VASP: variants seen among roughly 807,000 people sequenced by gnomAD.
VASP encodes the protein vasodilator stimulated phosphoprotein, also known as vasodilator-stimulated phosphoprotein.
A neutral mutation model predicts 54.4 loss-of-function variants in VASP; 27 were observed. The observed-to-expected ratio is 0.50, with a 90% confidence interval of 0.37 to 0.68. VASP has a LOEUF of 0.68. Ranked by LOEUF, VASP falls within the 30% of genes least tolerant of loss-of-function variation. The pLI, the probability that VASP is intolerant of heterozygous loss-of-function variation, is 0.00. For missense variants in VASP, 488 were observed against 528.3 expected, an observed-to-expected ratio of 0.92 and a Z score of 0.75; for synonymous variants, 233 against 209.8, an observed-to-expected ratio of 1.11 and a Z score of -0.96.
chr19:45,510,539 C>T (rs1169054231), intron 1 of VASP, among the ~76,000 whole-genome samples: 3 of 152,020 alleles, frequency 2.0e-5, no homozygotes, highest in Admixed American at 6.6e-5. Flanking sequence ...CATGGCAGTT[C>T]GAACAATGAT....
At chr19:45,509,389 C>T (rs896786794) in intron 1 of VASP, among the ~76,000 whole-genome samples, 1 of 134,388 alleles carries the variant, frequency 7.4e-6, no homozygotes, top group Admixed American at 7.4e-5. Context: ...CCCCGCCCCT[C>T]CACCCCCCCT....
At chr19:45,521,710 G>A (rs1255190935) in intron 4 of VASP, among the ~76,000 whole-genome samples, 2 of 152,050 alleles carry the variant, frequency 1.3e-5, no homozygotes, top group East Asian at 1.9e-4. Flanking sequence ...CCAACATGGC[G>A]AAATCCCGTC....
At chr19:45,511,299 G>A (rs1437485422) in intron 1 of VASP, among the ~76,000 whole-genome samples, 1 of 152,146 alleles carries the variant, frequency 6.6e-6, no homozygotes, top group Non-Finnish European at 1.5e-5. Flanking sequence ...GATTACCTCT[G>A]GTGATGGGAA....
Position 45,517,850 on chromosome 19 carries a change from G to C in VASP, c.177+16G>C. The C allele has an allele frequency of 4.3e-6, 7 of 1,611,312 alleles. No homozygotes were observed. Among genetic ancestry groups the C allele is most frequent in the Non-Finnish European group, 5.9e-6 (7 of 1,179,170 alleles). ...CGACCAGCAGGTGCAGCTTCCCGCCGGCCCCCTCTGTGGGCTGAACCCCTA... is the reference window on the plus strand; with the variant it reads ...CGACCAGCAGGTGCAGCTTCCCGCCCGCCCCCTCTGTGGGCTGAACCCCTA... On this transcript the variant is annotated intron_variant, in intron 2 of 12. Transcript: ENST00000245932.
chr19:45,525,300 A>G (rs1968936572), intron 11 of VASP, among the ~76,000 whole-genome samples: 1 of 152,166 alleles, frequency 6.6e-6, no homozygotes, highest in South Asian at 2.1e-4. Context: ...GCGGTGGCTC[A>G]TGCCTGTAAT....
intron 1 of VASP, among the ~76,000 whole-genome samples, chr19:45,511,357 T>C (rs910603864): frequency 3.9e-5 from 6 of 152,160 alleles, no homozygotes; most frequent in African/African-American, 1.4e-4. Flanking sequence ...TTCCTGCGTT[T>C]AGGGCTTTTT....
At chr19:45,511,347 T>C (rs533021652) in intron 1 of VASP, among the ~76,000 whole-genome samples, 6 of 152,326 alleles carry the variant, frequency 3.9e-5, no homozygotes, top group African/African-American at 1.4e-4. Context: ...CAAGTTACAG[T>C]TCCTGCGTTT....
intron 3 of VASP, among the ~76,000 whole-genome samples, chr19:45,519,309 C>T (rs963385091): frequency 1.3e-5 from 2 of 152,022 alleles, no homozygotes; most frequent in Non-Finnish European, 2.9e-5. Context: ...ACACCATGCC[C>T]GGCCCTTGTA....
chr19:45,524,899 C>T (rs771973822), intron 11 of VASP: 52 of 417,138 alleles, frequency 1.2e-4, no homozygotes, highest in Non-Finnish European at 2.0e-4. Flanking sequence ...GAATTCTTTC[C>T]GCACATTGAC....
intron 11 of VASP, 139 bp downstream of exon 11, chr19:45,524,799 C>A (rs1968923789): frequency 2.5e-6 from 2 of 799,456 alleles, no homozygotes; most frequent in African/African-American, 1.7e-5. Flanking sequence ...TGGATTGGGT[C>A]AAGGATGACC....
chr19:45,520,286 C>T (rs1263237354), intron 3 of VASP, among the ~76,000 whole-genome samples: 2 of 152,150 alleles, frequency 1.3e-5, no homozygotes, highest in Admixed American at 6.6e-5. Context: ...GTGGGCTGGG[C>T]GGACTGAGAC....
At chr19:45,516,739 C>T (rs1259379093) in intron 1 of VASP, among the ~76,000 whole-genome samples, 2 of 151,590 alleles carry the variant, frequency 1.3e-5, no homozygotes, top group Admixed American at 1.3e-4. Context: ...TGGCTCACCC[C>T]TGTAATCCCA....
chr19:45,514,855 G>A lies in VASP; in HGVS notation c.6-2808G>A, dbSNP rs146008095. On this transcript the variant is annotated intron_variant, in intron 1 of 12. Coordinates refer to ENST00000245932, the MANE Select transcript of VASP (RefSeq NM_003370.4). ...CTGGTGTTTGGGTGGGGCCCACACAGTTCCCGGTGGTTAAGGCTTGGAAGC... is the reference window on the plus strand; with the variant it reads ...CTGGTGTTTGGGTGGGGCCCACACAATTCCCGGTGGTTAAGGCTTGGAAGC... Among the ~76,000 whole-genome samples the A allele has an allele frequency of 1.2e-3, 187 of 152,344 alleles. 2 individuals carry two copies. Among genetic ancestry groups the A allele is most frequent in the African/African-American group, 4.4e-3 (182 of 41,574 alleles).
At chr19:45,521,627 G>A (rs972571624) in intron 4 of VASP, among the ~76,000 whole-genome samples, 3 of 152,224 alleles carry the variant, frequency 2.0e-5, no homozygotes, top group Admixed American at 6.5e-5. Flanking sequence ...GGTGGCTCAC[G>A]CCTGTAATCC....
chr19:45,519,886 C>T (rs1276447648), intron 3 of VASP, among the ~76,000 whole-genome samples: 3 of 136,028 alleles, frequency 2.2e-5, no homozygotes, highest in South Asian at 4.8e-4. Flanking sequence ...TGAGCCACTG[C>T]GCCCGGCCTT....
chr19:45,516,754 T>C (rs1968709240), intron 1 of VASP, among the ~76,000 whole-genome samples: 1 of 151,882 alleles, frequency 6.6e-6, no homozygotes, highest in Admixed American at 6.6e-5. Flanking sequence ...ATCCCAGCAC[T>C]TTGTGGGGCT....
Position 45,521,418 on chromosome 19 carries a change from C to T in VASP, c.428+12C>T. On this transcript the variant is annotated intron_variant, in intron 4 of 12. Coordinates refer to ENST00000245932, the MANE Select transcript of VASP (RefSeq NM_003370.4). The stretch of plus-strand genomic sequence containing the variant: ...GAGCAGCAGAAAAGGTGGGGCTGGG[C>T]CCTGGGTGGGGAACCTTAGCCGCTG... 1 of 1,541,406 alleles carries T rather than the reference C, an allele frequency of 6.5e-7. No homozygotes were observed. Among genetic ancestry groups the T allele is most frequent in the South Asian group, 1.2e-5 (1 of 82,224 alleles).
Position 45,517,611 on chromosome 19 carries a change from A to G in VASP, c.6-52A>G. ...TTTGTCCCTTGGAATCTCCCAGGAG[A>G]GACCCAGATAAGAAGGTGACCGGCC... On this transcript the variant is annotated intron_variant, in intron 1 of 12. Transcript: ENST00000245932. 3 of 1,576,992 alleles carry G rather than the reference A, an allele frequency of 1.9e-6. No individual in the cohort carries two copies. The South Asian group carries it at 3.5e-5, about 18-fold the overall frequency.
chr19:45,524,737 C>T (rs2122347128), intron 11 of VASP, 77 bp downstream of exon 11: 1 of 1,390,040 alleles, frequency 7.2e-7, no homozygotes, highest in East Asian at 2.4e-5. Flanking sequence ...GCCGTATGAT[C>T]CTAGATAACA....
Sources: allele counts gnomAD v4.1 joint callset (sites outside exome capture counted in the v4.1 genomes callset), GRCh38; gene constraint gnomAD v4.1.1; transcripts MANE v1.5; gene names NCBI Gene and HGNC (gene_info 2026-07-23, HGNC 2026-07-21).